The following ATP10B variants were observed in gnomAD, a reference collection of about 807,000 sequenced individuals.
ATP10B encodes ATPase phospholipid transporting 10B (putative).
Under a neutral mutation model 141.2 loss-of-function variants are expected in ATP10B, and 122 were observed. The ratio of observed to expected loss-of-function variants is 0.86; its 90% confidence interval spans 0.75 to 1.00. The LOEUF (loss-of-function observed/expected upper bound fraction) is 1.00. Ranked by LOEUF, ATP10B falls within the 50% of genes least tolerant of loss-of-function variation. The pLI is 0.00. For missense variants in ATP10B, 1,876 were observed against 1,825.3 expected (o/e 1.03, Z -0.51); for synonymous variants, 685 against 692.0 (o/e 0.99, Z 0.16).
the ATP10B span, among the ~76,000 whole-genome samples, chr5:160,912,886 T>C: frequency 6.6e-6 from 1 of 152,218 alleles, no homozygotes; most frequent in Non-Finnish European, 1.5e-5. Flanking sequence ...TGTGTTCCCC[T>C]GCTTCTTTGA....
intron 2 of ATP10B, among the ~76,000 whole-genome samples, chr5:160,748,023 G>A (rs1361286374): frequency 6.6e-6 from 1 of 151,258 alleles, no homozygotes; most frequent in African/African-American, 2.4e-5. Context: ...AAAAGCGGCC[G>A]GGGTTGTGGC....
At chr5:160,878,942 T>C in the ATP10B span, among the ~76,000 whole-genome samples, 1 of 142,118 alleles carries the variant, frequency 7.0e-6, no homozygotes, top group Non-Finnish European at 1.5e-5. Context: ...TTGGTGGGAC[T>C]GTAAACTAGT....
the ATP10B span, among the ~76,000 whole-genome samples, chr5:160,858,486 G>T: frequency 1.1e-4 from 17 of 151,810 alleles, no homozygotes; most frequent in African/African-American, 3.6e-4. Context: ...TGTGTTCCTT[G>T]GAGTCCCAGA....
At chr5:160,681,203 C>G (rs1763380260) in intron 6 of ATP10B, among the ~76,000 whole-genome samples, 1 of 152,204 alleles carries the variant, frequency 6.6e-6, no homozygotes, top group South Asian at 2.1e-4. Context: ...TTAAACAAAG[C>G]TGATAGGCTA....
At chr5:160,919,179 G>A in the ATP10B span, among the ~76,000 whole-genome samples, 1 of 125,856 alleles carries the variant, frequency 7.9e-6, no homozygotes, top group Non-Finnish European at 1.6e-5. Context: ...AGTCGAGATC[G>A]CGCCACTGCA....
chr5:160,647,729 G>A (rs1388419666), intron 8 of ATP10B, among the ~76,000 whole-genome samples: 2 of 152,200 alleles, frequency 1.3e-5, no homozygotes, highest in Non-Finnish European at 2.9e-5. Flanking sequence ...TCTCTTCAGA[G>A]CAGGTGACAG....
chr5:160,746,657 G>A (rs1266492481), intron 2 of ATP10B, among the ~76,000 whole-genome samples: 4 of 152,144 alleles, frequency 2.6e-5, no homozygotes, highest in Non-Finnish European at 5.9e-5. Flanking sequence ...CTCCCAAAAT[G>A]CTGGGATTAC....
intron 1 of ATP10B, among the ~76,000 whole-genome samples, chr5:160,789,943 T>G (rs1771448040): frequency 6.6e-6 from 1 of 152,194 alleles, no homozygotes; most frequent in South Asian, 2.1e-4. Context: ...TTGCTGAGTA[T>G]TCTGAAGATT....
chr5:160,742,835 G>C (rs1269381713), intron 2 of ATP10B, among the ~76,000 whole-genome samples: 1 of 152,138 alleles, frequency 6.6e-6, no homozygotes, highest in Non-Finnish European at 1.5e-5. Context: ...GGTGACCTTA[G>C]AGTGATTGAA....
chr5:160,576,956 G>T (rs1167874146), intron 24 of ATP10B, among the ~76,000 whole-genome samples: 1 of 152,228 alleles, frequency 6.6e-6, no homozygotes, highest in South Asian at 2.1e-4. Flanking sequence ...GGAGATAGGA[G>T]GATCTTCTGA....
rs529403947 is a variant in ATP10B, at chr5:160,649,344, C to A, written c.676-88G>T. The A allele has an allele frequency of 1.8e-5, 17 of 926,752 alleles. No homozygotes were observed. The African/African-American group carries it at 2.3e-4, about 13-fold the overall frequency. The allele number at this position is 926,752 out of a possible 1,614,324, so 57.4% of individuals were successfully genotyped here. The stretch of plus-strand genomic sequence containing the variant: ...TGGGAGAGCTAATCACTGTTAGAAC[C>A]ATTGCAAATAAGGTAATCCATGCTT... On this transcript the variant is annotated intron_variant, in intron 7 of 25. Transcript: ENST00000327245.
chr5:160,802,412 C>T (rs1210734694), intron 1 of ATP10B, among the ~76,000 whole-genome samples: 1 of 152,186 alleles, frequency 6.6e-6, no homozygotes, highest in East Asian at 1.9e-4. Context: ...ATTTTGTCCC[C>T]CAGAGGACAT....
chr5:160,744,560 G>C (rs1047664853), intron 2 of ATP10B, among the ~76,000 whole-genome samples: 13 of 152,148 alleles, frequency 8.5e-5, no homozygotes, highest in African/African-American at 2.9e-4. Context: ...ACAAATACAA[G>C]AAAATTTGGG....
chr5:160,858,048 A>C, the ATP10B span, among the ~76,000 whole-genome samples: 1 of 151,778 alleles, frequency 6.6e-6, no homozygotes, highest in Admixed American at 6.6e-5. Flanking sequence ...TTTATATTCG[A>C]TTTTTTATTT....
the ATP10B span, among the ~76,000 whole-genome samples, chr5:160,886,982 A>G: frequency 6.6e-6 from 1 of 152,238 alleles, no homozygotes. Context: ...CAAATACCCA[A>G]AATTGATGAG....
In ATP10B at chr5:160,605,453, C is replaced by G. The variant is rs370405497; in HGVS notation, c.3160+1312G>C. Among the ~76,000 whole-genome samples, 14 of 152,328 alleles carry G rather than the reference C, an allele frequency of 9.2e-5. No individual in the cohort carries two copies. The East Asian group carries it at 2.7e-3, about 29-fold the overall frequency. ...TGAAACCATGCTATTTCTCGCCACACTGGTTTTGTTTCTGTTGCTATGGGA... is the reference window on the plus strand; with the variant it reads ...TGAAACCATGCTATTTCTCGCCACAGTGGTTTTGTTTCTGTTGCTATGGGA... On this transcript the variant is annotated intron_variant, in intron 19 of 25. Coordinates refer to ENST00000327245, the MANE Select transcript of ATP10B (RefSeq NM_025153.3).
At chr5:160,795,122 T>C (rs111493144) in intron 1 of ATP10B, among the ~76,000 whole-genome samples, 2 of 152,324 alleles carry the variant, frequency 1.3e-5, no homozygotes, top group African/African-American at 4.8e-5. Flanking sequence ...CATTTCAGCA[T>C]TGGTATGGTA....
At chr5:160,598,663 C>A in intron 22 of ATP10B, 107 bp downstream of exon 22, 1 of 971,866 alleles carries the variant, frequency 1.0e-6, no homozygotes, top group Non-Finnish European at 1.6e-6. Flanking sequence ...GGTCAGAATG[C>A]AGGCTTCTGA....
At chr5:160,775,348 CT>C (rs144371798) in intron 2 of ATP10B, among the ~76,000 whole-genome samples, 1,998 of 152,330 alleles carry the variant, frequency 0.013, 50 homozygotes, top group African/African-American at 0.045. Flanking sequence ...CAAAGTCCCA[CT>C]GCCTGATTTT....
Sources: allele counts gnomAD v4.1 joint callset (sites outside exome capture counted in the v4.1 genomes callset), GRCh38; gene constraint gnomAD v4.1.1; transcripts MANE v1.5; gene names NCBI Gene and HGNC (gene_info 2026-07-23, HGNC 2026-07-21).